Variants in PDGFD observed in about 807,000 individuals in gnomAD.
PDGFD encodes platelet derived growth factor D, also known as platelet-derived growth factor D.
In PDGFD, 30 loss-of-function variants were observed where a neutral mutation model predicts 44.7. The observed-to-expected ratio is 0.67, with a 90% CI of 0.50 to 0.91. The LOEUF (loss-of-function observed/expected upper bound fraction) is 0.91. Among genes scored for constraint, PDGFD ranks in the 40% least tolerant of loss-of-function variants. The probability of loss-of-function intolerance (pLI) is 0.00; values close to 1 mark genes in which losing one functional copy is unlikely to be tolerated. For synonymous variants in PDGFD, 173 were observed against 168.4 expected (o/e 1.03, Z -0.21); for missense variants, 445 against 457.8 (o/e 0.97, Z 0.25).
At chr11:104,156,313 C>T (rs375666999) in intron 1 of PDGFD, among the ~76,000 whole-genome samples, 4 of 151,908 alleles carry the variant, frequency 2.6e-5, no homozygotes, top group African/African-American at 9.7e-5. Flanking sequence ...CTTGATTATG[C>T]CACTGAACTC....
At chr11:103,967,729 A>C (rs935362482) in intron 3 of PDGFD, among the ~76,000 whole-genome samples, 3 of 152,140 alleles carry the variant, frequency 2.0e-5, no homozygotes, top group African/African-American at 7.2e-5. Context: ...AAAAATTACA[A>C]ACCCAATAAA....
intron 1 of PDGFD, among the ~76,000 whole-genome samples, chr11:104,081,359 G>C (rs1861043031): frequency 6.6e-6 from 1 of 151,954 alleles, no homozygotes; most frequent in Non-Finnish European, 1.5e-5. Flanking sequence ...ATAGAAAATG[G>C]GTTGTTAATC....
Position 104,163,853 on chromosome 11 carries a change from C to T in PDGFD, c.75G>A (p.Pro25=), listed in dbSNP as rs769507921. The T allele has an allele frequency of 7.6e-6, 12 of 1,575,236 alleles. No homozygotes were observed. The highest frequency in any genetic ancestry group is 1.3e-5 in the African/African-American group (1 of 74,422). The change falls in exon 1 of 7, where the codon CCG becomes CCA. Residue 25 remains proline (P), a synonymous_variant. Coordinates refer to ENST00000393158, the MANE Select transcript of PDGFD (RefSeq NM_025208.5). ...FCSCRDTSAT[P]QSASIKALRN... ...GCAAAGCTTTGATGGATGCGCTCTG[C>T]GGGGTTGCAGAAGTGTCCCGACAGC...
At chr11:103,995,101 G>A (rs1202605757) in intron 3 of PDGFD, among the ~76,000 whole-genome samples, 3 of 151,862 alleles carry the variant, frequency 2.0e-5, no homozygotes, top group Non-Finnish European at 2.9e-5. Context: ...GGCTGGTCTC[G>A]AGTTCCTGGC....
chr11:103,986,440 C>T (rs1398471636), intron 3 of PDGFD, among the ~76,000 whole-genome samples: 2 of 152,192 alleles, frequency 1.3e-5, no homozygotes, highest in African/African-American at 4.8e-5. Context: ...CAGCCCCTTG[C>T]TCTTTTGTAG....
chr11:104,037,131 G>C, intron 1 of PDGFD: 1 of 1,613,890 alleles, frequency 6.2e-7, no homozygotes, highest in Non-Finnish European at 8.5e-7. Flanking sequence ...CGGTGCCTGG[G>C]ACGTCCAGCT....
At chr11:104,065,061 G>A (rs1282270013) in intron 1 of PDGFD, among the ~76,000 whole-genome samples, 2 of 152,160 alleles carry the variant, frequency 1.3e-5, no homozygotes, top group Non-Finnish European at 2.9e-5. Context: ...GGAGGCAGAA[G>A]AACGTTGAGA....
At chr11:104,057,814 A>G (rs1290222650) in intron 1 of PDGFD, among the ~76,000 whole-genome samples, 3 of 152,266 alleles carry the variant, frequency 2.0e-5, no homozygotes, top group Non-Finnish European at 4.4e-5. Flanking sequence ...TATTATCATA[A>G]AGATAGCCAT....
intron 3 of PDGFD, 112 bp from the exon 4 acceptor site, chr11:103,947,836 CA>C: frequency 7.6e-6 from 6 of 789,906 alleles, no homozygotes; most frequent in Non-Finnish European, 1.3e-5. Context: ...TGACAACAGA[CA>C]TAGGGCTATA....
intron 1 of PDGFD, among the ~76,000 whole-genome samples, chr11:104,120,338 T>C (rs932772357): frequency 1.1e-4 from 17 of 151,870 alleles, no homozygotes; most frequent in Non-Finnish European, 2.5e-4. Context: ...TTCCAAAAAG[T>C]ATATTTTTAT....
intron 1 of PDGFD, among the ~76,000 whole-genome samples, chr11:104,083,618 A>G (rs142418430): frequency 0.012 from 1,755 of 152,252 alleles, 22 homozygotes; most frequent in African/African-American, 0.039. Flanking sequence ...TATTGTCCCA[A>G]TACAAAAATA....
chr11:104,053,727 A>G (rs1860577761), intron 1 of PDGFD, among the ~76,000 whole-genome samples: 1 of 152,208 alleles, frequency 6.6e-6, no homozygotes, highest in Non-Finnish European at 1.5e-5. Context: ...TGGGCAGGAT[A>G]TTACAAACAC....
At chr11:103,990,690 G>C (rs573023270) in intron 3 of PDGFD, among the ~76,000 whole-genome samples, 1 of 152,238 alleles carries the variant, frequency 6.6e-6, no homozygotes, top group South Asian at 2.1e-4. Context: ...GAAAGAAACT[G>C]AGGTAAACAG....
intron 1 of PDGFD, among the ~76,000 whole-genome samples, chr11:104,118,652 A>C (rs1008367359): frequency 3.4e-5 from 5 of 146,720 alleles, no homozygotes; most frequent in East Asian, 2.0e-4. Flanking sequence ...CCCATTGCTA[A>C]CTTGCTATGG....
In PDGFD at chr11:103,993,927, C is replaced by CA. The variant is rs138781306; in HGVS notation, c.510+2137dup. Among the ~76,000 whole-genome samples the CA allele has an allele frequency of 7.0e-3, 1,008 of 144,920 alleles. 6 individuals are homozygous for CA. The highest frequency in any genetic ancestry group is 0.011 in the Middle Eastern group (3 of 282). On this transcript the variant is annotated intron_variant, in intron 3 of 6. Coordinates refer to ENST00000393158, the MANE Select transcript of PDGFD (RefSeq NM_025208.5). ...CAAGAATGTTGTAATATCATCATTTCAAAAAAAAAACACAAAATTGAATAT... is the reference window on the plus strand; with the variant it reads ...CAAGAATGTTGTAATATCATCATTTCAAAAAAAAAAACACAAAATTGAATAT...
At chr11:104,026,047 C>T (rs260854) in intron 1 of PDGFD, among the ~76,000 whole-genome samples, 21,140 of 152,104 alleles carry the variant, frequency 0.14, 2,109 homozygotes, top group African/African-American at 0.27. Flanking sequence ...GTGTTCCTGC[C>T]GCTCCTGCCA....
At chr11:104,083,771 T>C (rs1313215945) in intron 1 of PDGFD, among the ~76,000 whole-genome samples, 1 of 152,242 alleles carries the variant, frequency 6.6e-6, no homozygotes, top group Non-Finnish European at 1.5e-5. Context: ...TATTTGCTGA[T>C]ATATTTCCAC....
chr11:103,991,146 A>G (rs1467367727), intron 3 of PDGFD, among the ~76,000 whole-genome samples: 2 of 87,184 alleles, frequency 2.3e-5, no homozygotes, highest in Non-Finnish European at 4.6e-5. Context: ...CTCAAAAAAG[A>G]AAAAAAAAAA....
chr11:103,937,810 T>A (rs1398325958), intron 5 of PDGFD, among the ~76,000 whole-genome samples: 5 of 150,544 alleles, frequency 3.3e-5, no homozygotes, highest in Non-Finnish European at 7.4e-5. Flanking sequence ...GGTGTTTGGT[T>A]TTTTGTCCTT....
Sources: allele counts gnomAD v4.1 joint callset (sites outside exome capture counted in the v4.1 genomes callset), GRCh38; gene constraint gnomAD v4.1.1; transcripts MANE v1.5; gene names NCBI Gene and HGNC (gene_info 2026-07-23, HGNC 2026-07-21).